Variants in TTC7A observed in about 807,000 individuals in gnomAD.
The protein encoded by TTC7A is tetratricopeptide repeat protein 7A.
A neutral mutation model predicts 103.7 loss-of-function variants in TTC7A; 110 were observed. That is an observed-to-expected ratio of 1.06 (90% CI 0.91 to 1.24). TTC7A has a LOEUF of 1.24. TTC7A is among the 50% of genes most tolerant of loss of function. The probability of loss-of-function intolerance (pLI) is 0.00; values close to 1 mark genes in which losing one functional copy is unlikely to be tolerated. For synonymous variants in TTC7A, 521 were observed against 467.9 expected, an observed-to-expected ratio of 1.11 and a Z score of -1.47; for missense variants, 1,340 against 1,116.3, an observed-to-expected ratio of 1.20 and a Z score of -2.86.
At chr2:46,949,489 TC>T (rs1225477772) in intron 1 of TTC7A, among the ~76,000 whole-genome samples, 3 of 152,094 alleles carry the variant, frequency 2.0e-5, no homozygotes, top group Non-Finnish European at 4.4e-5. Flanking sequence ...TGCCTTGGGC[TC>T]CCAAAGTGCT....
At chr2:47,051,713 C>A in intron 17 of TTC7A, 33 bp from the exon 18 acceptor site, 1 of 1,593,094 alleles carries the variant, frequency 6.3e-7, no homozygotes, top group Non-Finnish European at 8.6e-7. Flanking sequence ...GGACCTCTGA[C>A]CACTGCTCGG....
chr2:47,013,010 G>A (rs7581528), intron 11 of TTC7A, among the ~76,000 whole-genome samples: 9,977 of 152,202 alleles, frequency 0.066, 455 homozygotes, highest in Admixed American at 0.1. Flanking sequence ...GAGTTTCACT[G>A]CCCACCCACT....
chr2:46,959,572 A>G (rs1224584994), intron 3 of TTC7A, among the ~76,000 whole-genome samples: 1 of 152,024 alleles, frequency 6.6e-6, no homozygotes, highest in Non-Finnish European at 1.5e-5. Flanking sequence ...TTTTTAGGGG[A>G]GTCAGGAGCA....
intron 3 of TTC7A, among the ~76,000 whole-genome samples, chr2:46,965,010 CCTG>C (rs1672717323): frequency 1.3e-5 from 2 of 152,168 alleles, no homozygotes; most frequent in African/African-American, 2.4e-5. Context: ...GTCCTGATGC[CCTG>C]ACCGTGGTGC....
At chr2:46,989,217 G>A (rs1245172457) in intron 5 of TTC7A, among the ~76,000 whole-genome samples, 2 of 152,216 alleles carry the variant, frequency 1.3e-5, no homozygotes, top group African/African-American at 4.8e-5. Context: ...TGGCCAACCA[G>A]GCTTTACTTG....
intron 15 of TTC7A, chr2:47,035,767 C>T (rs1363397273): frequency 6.6e-6 from 1 of 152,216 alleles, no homozygotes; most frequent in Non-Finnish European, 1.5e-5. Flanking sequence ...GAATTGTGGC[C>T]CAGGGCACAT....
chr2:46,928,636 G>A (rs1163546378), intron 2 of TTC7A, among the ~76,000 whole-genome samples: 1 of 152,082 alleles, frequency 6.6e-6, no homozygotes, highest in East Asian at 1.9e-4. Flanking sequence ...CAGATGTGGT[G>A]ACACACACCT....
chr2:46,939,037 G>A (rs1002015476), upstream of TTC7A, among the ~76,000 whole-genome samples: 7 of 150,928 alleles, frequency 4.6e-5, no homozygotes, highest in African/African-American at 7.3e-5. Flanking sequence ...AGTACTTTGC[G>A]GGCCAGGGTG....
chr2:46,996,878 T>A (rs1213129828), intron 8 of TTC7A, among the ~76,000 whole-genome samples: 1 of 152,158 alleles, frequency 6.6e-6, no homozygotes, highest in Non-Finnish European at 1.5e-5. Context: ...AGTATTCCCA[T>A]CCCCTCTCCG....
rs147838078 is a variant in TTC7A, at chr2:47,045,005, T to C, written c.1803-1310T>C. 2.8e-3 allele frequency among the ~76,000 whole-genome samples: 425 copies of C among 152,288 alleles called. 6 individuals are homozygous for C. Among genetic ancestry groups the C allele is most frequent in the African/African-American group, 9.8e-3 (408 of 41,544 alleles). On this transcript the variant is annotated intron_variant, in intron 15 of 19. Transcript: ENST00000319190. Reference sequence around the variant, plus strand: ...CGCAGTCTGGGTAGGGACCCTCCGATGGAGCAGGCCTGTGTGCTACCCTCA... The same window carrying C: ...CGCAGTCTGGGTAGGGACCCTCCGACGGAGCAGGCCTGTGTGCTACCCTCA...
intron 5 of TTC7A, among the ~76,000 whole-genome samples, chr2:46,984,554 A>G (rs1396543721): frequency 6.6e-6 from 1 of 152,208 alleles, no homozygotes; most frequent in African/African-American, 2.4e-5. Flanking sequence ...GCCCCCCGAC[A>G]GCCACCTCTA....
intron 4 of TTC7A, 21 bp from the exon 5 acceptor site, chr2:46,978,767 GCTCT>G (rs775134836): frequency 2.5e-6 from 4 of 1,594,748 alleles, no homozygotes; most frequent in Non-Finnish European, 2.6e-6. Context: ...TGAGACAATG[GCTCT>G]CTCTCTGTTT....
At position 46,994,434 on chromosome 2, in the gene TTC7A, T is replaced by A. The variant is rs1426113740; in HGVS notation, c.921T>A (p.Pro307=). 6.2e-7 allele frequency: 1 copy of A among 1,613,982 alleles called. No individual in the cohort carries two copies. Residue 307 remains proline (P), a synonymous_variant, in exon 7 of 20, where the codon CCT becomes CCA. Coordinates refer to ENST00000319190, the MANE Select transcript of TTC7A (RefSeq NM_020458.4). ...EECYWSPLSH[P]LPEFMGKEES... ...GCTACTGGAGCCCCCTGTCCCACCCTCTGCCTGAGTTCATGGGCAAGGAGG... is the reference window on the plus strand; with the variant it reads ...GCTACTGGAGCCCCCTGTCCCACCCACTGCCTGAGTTCATGGGCAAGGAGG...
At chr2:47,054,552 G>T (rs1032225958) in intron 18 of TTC7A, among the ~76,000 whole-genome samples, 1 of 151,954 alleles carries the variant, frequency 6.6e-6, no homozygotes, top group Non-Finnish European at 1.5e-5. Flanking sequence ...AGGGGATCAG[G>T]CCGGGTGCGG....
At chr2:47,022,019 C>T (rs747417797) in intron 12 of TTC7A, 40 bp downstream of exon 12, 5 of 1,476,624 alleles carry the variant, frequency 3.4e-6, no homozygotes, top group Non-Finnish European at 4.7e-6. Context: ...TTGGGGATGG[C>T]TCAGGCTTCC....
At chr2:47,012,764 A>C (rs1678211110) in intron 11 of TTC7A, among the ~76,000 whole-genome samples, 1 of 152,138 alleles carries the variant, frequency 6.6e-6, no homozygotes, top group African/African-American at 2.4e-5. Context: ...CCAGGGAGTC[A>C]GTCCTCCCAA....
At chr2:47,028,651 A>G (rs528263952) in intron 14 of TTC7A, among the ~76,000 whole-genome samples, 2 of 152,344 alleles carry the variant, frequency 1.3e-5, no homozygotes, top group South Asian at 2.1e-4. Context: ...CTGACCCTGC[A>G]TAATCTGGCC....
In TTC7A at chr2:47,024,366, T is replaced by G. The variant is rs1161231979; in HGVS notation, c.1641+7T>G. The G allele has an allele frequency of 3.1e-6, 5 of 1,604,804 alleles. No homozygotes were observed. The highest frequency in any genetic ancestry group is 1.1e-5 in the South Asian group (1 of 89,802). Reference sequence around the variant, plus strand: ...GCTGGCCCTCGTCCGACAGGTGGGTTGTCCGTGTTCCTAACCCCCGGGTCC... The same window carrying G: ...GCTGGCCCTCGTCCGACAGGTGGGTGGTCCGTGTTCCTAACCCCCGGGTCC... On this transcript the variant is annotated splice_region_variant and intron_variant, in intron 14 of 19. Coordinates refer to ENST00000319190, the MANE Select transcript of TTC7A (RefSeq NM_020458.4).
At chr2:47,016,699 C>G (rs1054140088) in intron 11 of TTC7A, among the ~76,000 whole-genome samples, 4 of 152,180 alleles carry the variant, frequency 2.6e-5, no homozygotes, top group African/African-American at 9.7e-5. Context: ...AAGCAGCAGC[C>G]TGGACTACAG....
Sources: allele counts gnomAD v4.1 joint callset (sites outside exome capture counted in the v4.1 genomes callset), GRCh38; gene constraint gnomAD v4.1.1; transcripts MANE v1.5; gene names NCBI Gene and HGNC (gene_info 2026-07-23, HGNC 2026-07-21).